INPP4B: variants seen among roughly 807,000 people sequenced by gnomAD.
INPP4B encodes the protein inositol polyphosphate 4-phosphatase type II.
INPP4B carries 55 observed loss-of-function variants against 122.5 expected under a neutral mutation model. The observed-to-expected ratio is 0.45, with a 90% CI of 0.36 to 0.56. The LOEUF is 0.56. Ranked by LOEUF, INPP4B falls within the 20% of genes least tolerant of loss-of-function variation. The pLI, the probability that INPP4B is intolerant of heterozygous loss-of-function variation, is 0.00. For missense variants in INPP4B, 1,000 were observed against 1,097.7 expected, an observed-to-expected ratio of 0.91 and a Z score of 1.26; for synonymous variants, 403 against 388.7, an observed-to-expected ratio of 1.04 and a Z score of -0.43.
At chr4:142,729,175 A>T (rs1765734537) in intron 1 of INPP4B, among the ~76,000 whole-genome samples, 1 of 152,172 alleles carries the variant, frequency 6.6e-6, no homozygotes, top group African/African-American at 2.4e-5. Flanking sequence ...CAGCCGATGT[A>T]ACAAGATGGG....
At chr4:142,493,506 G>A (rs1456322084) in intron 2 of INPP4B, among the ~76,000 whole-genome samples, 1 of 152,228 alleles carries the variant, frequency 6.6e-6, no homozygotes, top group Non-Finnish European at 1.5e-5. Context: ...CCCATCTCTT[G>A]CATCAGTGTG....
intron 21 of INPP4B, among the ~76,000 whole-genome samples, chr4:142,114,053 G>C (rs1348132610): frequency 6.6e-6 from 1 of 151,894 alleles, no homozygotes; most frequent in Non-Finnish European, 1.5e-5. Flanking sequence ...CCTATGAATT[G>C]ATTCATACAG....
At chr4:142,760,683 A>T (rs1366536288) in intron 1 of INPP4B, among the ~76,000 whole-genome samples, 1 of 152,164 alleles carries the variant, frequency 6.6e-6, no homozygotes, top group Admixed American at 6.5e-5. Flanking sequence ...ACCTATTCTT[A>T]TATTAAATTT....
chr4:142,549,945 A>G (rs1401572860), intron 2 of INPP4B, among the ~76,000 whole-genome samples: 1 of 152,210 alleles, frequency 6.6e-6, no homozygotes, highest in Non-Finnish European at 1.5e-5. Flanking sequence ...ATAAGGCAAT[A>G]GCCTCGTGTA....
chr4:142,508,322 C>T (rs1824272259), intron 2 of INPP4B, among the ~76,000 whole-genome samples: 1 of 152,156 alleles, frequency 6.6e-6, no homozygotes, highest in East Asian at 1.9e-4. Flanking sequence ...CTCTCCAAGG[C>T]TAGAGTGCAG....
chr4:142,702,470 C>T (rs1580736219), intron 2 of INPP4B, among the ~76,000 whole-genome samples: 1 of 152,084 alleles, frequency 6.6e-6, no homozygotes. Context: ...CACGCCTGTA[C>T]TCCCAGCAAT....
At chr4:142,169,925 A>C (rs1261991991) in intron 16 of INPP4B, among the ~76,000 whole-genome samples, 2 of 151,698 alleles carry the variant, frequency 1.3e-5, no homozygotes, top group African/African-American at 4.8e-5. Context: ...TGGAATGGAG[A>C]AAGTGATGGG....
At chr4:142,633,586 T>G (rs1748458098) in intron 2 of INPP4B, among the ~76,000 whole-genome samples, 1 of 152,078 alleles carries the variant, frequency 6.6e-6, no homozygotes, top group South Asian at 2.1e-4. Flanking sequence ...GAATTTATAT[T>G]CCTAAATGGA....
intron 7 of INPP4B, among the ~76,000 whole-genome samples, chr4:142,367,068 G>A (rs1787775164): frequency 1.3e-5 from 2 of 152,116 alleles, no homozygotes; most frequent in Non-Finnish European, 1.5e-5. Context: ...CTTGCTGAGA[G>A]CTGAAGCCAG....
At chr4:142,127,881 C>A (rs1235975712) in intron 18 of INPP4B, among the ~76,000 whole-genome samples, 3 of 152,076 alleles carry the variant, frequency 2.0e-5, no homozygotes, top group Non-Finnish European at 2.9e-5. Flanking sequence ...TGTTAATATG[C>A]AGTCAGTGTA....
intron 2 of INPP4B, among the ~76,000 whole-genome samples, chr4:142,510,662 A>T (rs1580246915): frequency 6.6e-6 from 1 of 152,266 alleles, no homozygotes; most frequent in South Asian, 2.1e-4. Flanking sequence ...ATAGACCTTA[A>T]ATATCATGCC....
chr4:142,495,528 A>ATG (rs936177537), intron 2 of INPP4B, among the ~76,000 whole-genome samples: 4 of 151,868 alleles, frequency 2.6e-5, no homozygotes, highest in Non-Finnish European at 5.9e-5. Context: ...ATATATATAT[A>ATG]TTCTTCTGGT....
intron 1 of INPP4B, among the ~76,000 whole-genome samples, chr4:142,827,836 G>A (rs1781628955): frequency 6.6e-6 from 1 of 152,096 alleles, no homozygotes; most frequent in African/African-American, 2.4e-5. Flanking sequence ...TAGATATTAT[G>A]CTAAACACTA....
chr4:142,504,856 C>T (rs992097859), intron 2 of INPP4B, among the ~76,000 whole-genome samples: 5 of 151,848 alleles, frequency 3.3e-5, no homozygotes, highest in Non-Finnish European at 7.4e-5. Flanking sequence ...GAAGAATGAA[C>T]ATTAGGACAA....
intron 2 of INPP4B, among the ~76,000 whole-genome samples, chr4:142,720,799 C>CTATATATATATATA (rs1330449318): frequency 7.6e-5 from 2 of 26,326 alleles, no homozygotes; most frequent in Non-Finnish European, 1.4e-4. Flanking sequence ...CTCTCTCTCT[C>CTATATATATATATA]TCTCTCTCTC....
At chr4:142,150,011 T>A (rs1282764333) in intron 17 of INPP4B, among the ~76,000 whole-genome samples, 1 of 152,154 alleles carries the variant, frequency 6.6e-6, no homozygotes, top group Admixed American at 6.5e-5. Flanking sequence ...AGGGAAGCAT[T>A]GAATATCTGA....
At chr4:142,221,606 G>GTT (rs369512661) in intron 12 of INPP4B, among the ~76,000 whole-genome samples, 4 of 147,086 alleles carry the variant, frequency 2.7e-5, no homozygotes, top group Admixed American at 1.4e-4. Context: ...AAGAAAGGAG[G>GTT]TTTTTTTTTT....
chr4:142,683,154 C>G (rs1241541027), intron 2 of INPP4B, among the ~76,000 whole-genome samples: 1 of 151,920 alleles, frequency 6.6e-6, no homozygotes, highest in African/African-American at 2.4e-5. Context: ...AAGCAACCCA[C>G]TGTAATTAAA....
intron 2 of INPP4B, among the ~76,000 whole-genome samples, chr4:142,709,916 C>T (rs1369912878): frequency 6.6e-6 from 1 of 152,108 alleles, no homozygotes; most frequent in African/African-American, 2.4e-5. Flanking sequence ...GATTTACAGC[C>T]CAGGAGGAAA....
Sources: allele counts gnomAD v4.1 joint callset (sites outside exome capture counted in the v4.1 genomes callset), GRCh38; gene constraint gnomAD v4.1.1; transcripts MANE v1.5; gene names NCBI Gene and HGNC (gene_info 2026-07-23, HGNC 2026-07-21).